Variants in GRM7 observed in about 807,000 individuals in gnomAD.
GRM7 encodes the protein glutamate metabotropic receptor 7.
GRM7 carries 35 observed loss-of-function variants against 84.5 expected under a neutral mutation model. That is an observed-to-expected ratio of 0.41 (90% CI 0.32 to 0.55). GRM7 has a LOEUF of 0.55. Among genes scored for constraint, GRM7 ranks in the 20% least tolerant of loss-of-function variants. The pLI, the probability that GRM7 is intolerant of heterozygous loss-of-function variation, is 0.19. For missense variants in GRM7, 1,003 were observed against 1,194.6 expected, an observed-to-expected ratio of 0.84 and a Z score of 2.36; for synonymous variants, 487 against 455.1, an observed-to-expected ratio of 1.07 and a Z score of -0.89.
At chr3:7,094,425 G>A (rs150395584) in intron 1 of GRM7, among the ~76,000 whole-genome samples, 224 of 152,280 alleles carry the variant, frequency 1.5e-3, no homozygotes, top group African/African-American at 5.0e-3. Flanking sequence ...AGGAATAACA[G>A]CAAGTTTTCC....
chr3:6,877,812 C>T (rs955559875), intron 1 of GRM7, among the ~76,000 whole-genome samples: 1 of 7,384 alleles, frequency 1.4e-4, no homozygotes, highest in Non-Finnish European at 3.3e-4. Context: ...ACAGATATCA[C>T]ACACACACAC....
intron 1 of GRM7, among the ~76,000 whole-genome samples, chr3:6,877,552 A>G (rs1695354843): frequency 6.6e-6 from 1 of 152,110 alleles, no homozygotes; most frequent in Non-Finnish European, 1.5e-5. Flanking sequence ...ATAAGCTTTT[A>G]ACAGTGGCAA....
chr3:6,886,467 A>C (rs1236257987), intron 1 of GRM7, among the ~76,000 whole-genome samples: 1 of 152,176 alleles, frequency 6.6e-6, no homozygotes, highest in Non-Finnish European at 1.5e-5. Flanking sequence ...CATATTGTGC[A>C]CATGTACCTT....
At chr3:6,886,803 A>C (rs1420311214) in intron 1 of GRM7, among the ~76,000 whole-genome samples, 1 of 151,740 alleles carries the variant, frequency 6.6e-6, no homozygotes, top group Non-Finnish European at 1.5e-5. Flanking sequence ...AATAATAAAC[A>C]GTTTAATAAA....
At position 6,990,413 on chromosome 3, in the gene GRM7, G is replaced by C. The variant is rs369954679; in HGVS notation, c.519+128506G>C. Among the ~76,000 whole-genome samples, 343 of 152,326 alleles carry C rather than the reference G, an allele frequency of 2.3e-3. 2 individuals carry two copies. Among genetic ancestry groups the C allele is most frequent in the African/African-American group, 7.6e-3 (316 of 41,564 alleles). On this transcript the variant is annotated intron_variant, in intron 1 of 9. Coordinates refer to ENST00000357716, the MANE Select transcript of GRM7 (RefSeq NM_000844.4). Reference sequence around the variant, plus strand: ...TAAGTCTGTTAATACTGGGTTGGGAGATGGGTGTTAGGAATCACATATAAA... The same window carrying C: ...TAAGTCTGTTAATACTGGGTTGGGACATGGGTGTTAGGAATCACATATAAA...
At chr3:7,579,746 G>A (rs1266535942) in intron 8 of GRM7, among the ~76,000 whole-genome samples, 3 of 152,172 alleles carry the variant, frequency 2.0e-5, no homozygotes, top group African/African-American at 7.2e-5. Flanking sequence ...GTGGGAGTGT[G>A]TGATGGTCAT....
At chr3:7,419,144 G>A (rs1292370241) in intron 5 of GRM7, among the ~76,000 whole-genome samples, 2 of 152,086 alleles carry the variant, frequency 1.3e-5, no homozygotes, top group Non-Finnish European at 2.9e-5. Flanking sequence ...CAGAAAACAA[G>A]TACGTAAGTA....
At chr3:7,172,646 T>A (rs887149485) in intron 2 of GRM7, among the ~76,000 whole-genome samples, 3 of 150,350 alleles carry the variant, frequency 2.0e-5, no homozygotes. Flanking sequence ...TAACTTCTGA[T>A]GTTGAATTTC....
At position 7,352,057 on chromosome 3, in the gene GRM7, C is replaced by CACCACACACACA. The variant is rs1277659188; in HGVS notation, c.1033+45405_1033+45406insACCACACACACA. ...TCTCTCTCTCACACACACACACACA[C>CACCACACACACA]CACACACACACACACACACACACAC... is the stretch of plus-strand genomic sequence containing the variant. On this transcript the variant is annotated intron_variant, in intron 4 of 9. Transcript: ENST00000357716. Among the ~76,000 whole-genome samples the CACCACACACACA allele has an allele frequency of 7.7e-4, 106 of 136,960 alleles. 1 individual carries two copies. Among genetic ancestry groups the CACCACACACACA allele is most frequent in the African/African-American group, 2.9e-3 (102 of 35,344 alleles). The allele number at this position is 136,960 out of a possible 152,430, so 89.9% of individuals were successfully genotyped here. A position where few individuals can be genotyped will look rare whatever the true frequency, so the allele number is the denominator to read the frequency against.
intron 7 of GRM7, among the ~76,000 whole-genome samples, chr3:7,491,763 A>G (rs541296001): frequency 2.3e-4 from 35 of 152,312 alleles, no homozygotes; most frequent in Middle Eastern, 3.4e-3. Context: ...TGAAAAGACA[A>G]TAGGAAGGAT....
chr3:7,713,347 G>C (rs1190064323), intron 9 of GRM7, among the ~76,000 whole-genome samples: 4 of 151,786 alleles, frequency 2.6e-5, no homozygotes, highest in Non-Finnish European at 5.9e-5. Flanking sequence ...ACGTTGGCCA[G>C]GCTGGTCTCG....
intron 2 of GRM7, among the ~76,000 whole-genome samples, chr3:7,294,560 T>G (rs917643858): frequency 2.5e-5 from 2 of 79,142 alleles, no homozygotes; most frequent in African/African-American, 1.8e-4. Context: ...TCCTAAGAGC[T>G]CCCTAAAAAA....
At chr3:7,572,748 G>C (rs1694737245) in intron 7 of GRM7, among the ~76,000 whole-genome samples, 1 of 147,768 alleles carries the variant, frequency 6.8e-6, no homozygotes, top group Non-Finnish European at 1.5e-5. Flanking sequence ...TGTGAACCTG[G>C]AAGGCGGAGC....
rs148502860 is a variant in GRM7 at position 7,303,289 on chromosome 3, T to C, written c.879-3209T>C. On this transcript the variant is annotated intron_variant, in intron 3 of 9. Transcript: ENST00000357716. Reference sequence around the variant, plus strand: ...ATAAATACATAAAAAAACTAAAATATGACTAAAGTACTTTTGATGCAAAAC... The same window carrying C: ...ATAAATACATAAAAAAACTAAAATACGACTAAAGTACTTTTGATGCAAAAC... 3.0e-3 allele frequency among the ~76,000 whole-genome samples: 454 copies of C among 152,274 alleles called. 1 individual carries two copies. Among genetic ancestry groups the C allele is most frequent in the African/African-American group, 0.01 (436 of 41,554 alleles).
chr3:6,961,498 G>A (rs1056611832), intron 1 of GRM7, among the ~76,000 whole-genome samples: 11 of 152,058 alleles, frequency 7.2e-5, no homozygotes, highest in Admixed American at 5.2e-4. Flanking sequence ...GTACTGACTG[G>A]TCATTCCTGA....
At chr3:7,001,726 T>C (rs1264443747) in intron 1 of GRM7, among the ~76,000 whole-genome samples, 1 of 152,234 alleles carries the variant, frequency 6.6e-6, no homozygotes, top group Non-Finnish European at 1.5e-5. Flanking sequence ...CAATGTTAAG[T>C]TTTGTTTATT....
At chr3:7,105,151 A>G (rs1376797712) in intron 1 of GRM7, among the ~76,000 whole-genome samples, 1 of 151,750 alleles carries the variant, frequency 6.6e-6, no homozygotes, top group Non-Finnish European at 1.5e-5. Context: ...TCTTGACTTC[A>G]TTCCTAATGT....
At chr3:7,216,116 C>T (rs1471814705) in intron 2 of GRM7, among the ~76,000 whole-genome samples, 1 of 152,002 alleles carries the variant, frequency 6.6e-6, no homozygotes, top group African/African-American at 2.4e-5. Context: ...ATTTTTATTT[C>T]CAAAAGCTTT....
chr3:7,606,870 A>G (rs991788316), intron 8 of GRM7: 4 of 152,196 alleles, frequency 2.6e-5, no homozygotes, highest in African/African-American at 9.6e-5. Flanking sequence ...AATGATGTCA[A>G]TGTAAAGCAT....
Sources: gnomAD v4.1 joint callset for allele counts (sites outside exome capture counted in the v4.1 genomes callset) on GRCh38, gnomAD v4.1.1 for gene constraint, MANE v1.5 for transcripts, NCBI Gene and HGNC (gene_info 2026-07-23, HGNC 2026-07-21) for gene names.